The following CCDC57 variants were observed in gnomAD, a reference collection of about 807,000 sequenced individuals.
CCDC57 encodes the protein coiled-coil domain containing 57, also known as coiled-coil domain-containing protein 57.
Under a neutral mutation model 118.9 loss-of-function variants are expected in CCDC57, and 118 were observed. The ratio of observed to expected loss-of-function variants is 0.99; its 90% CI spans 0.86 to 1.16. The LOEUF is 1.16. Ranked by LOEUF, CCDC57 falls within the 50% of genes most tolerant of loss-of-function variation. The pLI is 0.00. For missense variants in CCDC57, 1,300 were observed against 1,320.7 expected, an observed-to-expected ratio of 0.98 and a Z score of 0.24; for synonymous variants, 527 against 532.9, an observed-to-expected ratio of 0.99 and a Z score of 0.15.
At chr17:82,108,385 C>T (rs139113773) in intron 19 of CCDC57, among the ~76,000 whole-genome samples, 7 of 152,296 alleles carry the variant, frequency 4.6e-5, no homozygotes, top group Middle Eastern at 3.4e-3. Flanking sequence ...GAAAGAGGTT[C>T]GGCCCTGGTC....
intron 19 of CCDC57, among the ~76,000 whole-genome samples, chr17:82,125,378 A>AC (rs1555682933): frequency 1.4e-5 from 2 of 146,014 alleles, no homozygotes; most frequent in African/African-American, 5.0e-5. Context: ...TCTCTACTAA[A>AC]TTTTTTTTTT....
intron 13 of CCDC57, 145 bp from the exon 13 acceptor site, chr17:82,163,502 G>A (rs1345435403): frequency 8.4e-6 from 7 of 835,250 alleles, no homozygotes; most frequent in Non-Finnish European, 1.1e-5. Flanking sequence ...TTCTTCATTG[G>A]AGTCAGCAGA....
At chr17:82,142,256 T>C (rs141547733) in intron 16 of CCDC57, among the ~76,000 whole-genome samples, 1 of 152,274 alleles carries the variant, frequency 6.6e-6, no homozygotes, top group Non-Finnish European at 1.5e-5. Flanking sequence ...TGAACCAGGA[T>C]GAGCCATAGC....
intron 19 of CCDC57, among the ~76,000 whole-genome samples, chr17:82,103,451 G>A (rs62079992): frequency 0.029 from 4,386 of 152,252 alleles, 102 homozygotes; most frequent in Non-Finnish European, 0.043. Flanking sequence ...TCCTGGTCCC[G>A]GCCAACGCCC....
chr17:82,183,083 C>G (rs2046407756), intron 9 of CCDC57, among the ~76,000 whole-genome samples: 1 of 152,170 alleles, frequency 6.6e-6, no homozygotes, highest in Non-Finnish European at 1.5e-5. Flanking sequence ...TCAGGGTCCT[C>G]CCTTGACACA....
At chr17:82,137,043 T>G (rs1356038621) in intron 16 of CCDC57, among the ~76,000 whole-genome samples, 1 of 112,702 alleles carries the variant, frequency 8.9e-6, no homozygotes, top group Non-Finnish European at 1.8e-5. Flanking sequence ...AGACAGAGTC[T>G]TGCTCTGTCA....
intron 1 of CCDC57, among the ~76,000 whole-genome samples, chr17:82,210,696 A>G (rs1218398110): frequency 6.9e-6 from 1 of 144,112 alleles, no homozygotes; most frequent in Non-Finnish European, 1.5e-5. Flanking sequence ...AAATAAAATT[A>G]ATTAAAAAAA....
chr17:82,137,120 C>A (rs930868454), intron 16 of CCDC57, among the ~76,000 whole-genome samples: 4 of 149,114 alleles, frequency 2.7e-5, no homozygotes, highest in African/African-American at 9.9e-5. Context: ...CAGGTTCAAG[C>A]AATTCTCCCG....
At chr17:82,175,268 G>A (rs2045321390) in intron 11 of CCDC57, among the ~76,000 whole-genome samples, 1 of 152,256 alleles carries the variant, frequency 6.6e-6, no homozygotes. Context: ...GGGATACCGA[G>A]TGCCCAGAGG....
In CCDC57 at chr17:82,203,946, C is replaced by T. The variant is rs114899454; in HGVS notation, c.-8-1994G>A. Among the ~76,000 whole-genome samples the T allele has an allele frequency of 2.5e-3, 388 of 152,284 alleles. 1 individual carries two copies. Among genetic ancestry groups the T allele is most frequent in the African/African-American group, 9.0e-3 (372 of 41,558 alleles). ...ACAAAGTCCCAACTCCCAGAGGGAG[C>T]GGGTACAAGGGCACAGCCAGGCTGA... On this transcript the variant is annotated intron_variant, in intron 2 of 19. Coordinates refer to ENST00000665763, the Ensembl canonical transcript of CCDC57.
At chr17:82,206,869 G>C (rs1291990085) in intron 2 of CCDC57, among the ~76,000 whole-genome samples, 1 of 152,108 alleles carries the variant, frequency 6.6e-6, no homozygotes, top group Non-Finnish European at 1.5e-5. Context: ...CAATTCCATC[G>C]TGCTTCTAAC....
At chr17:82,142,109 C>T (rs1442071633) in intron 16 of CCDC57, among the ~76,000 whole-genome samples, 1 of 152,164 alleles carries the variant, frequency 6.6e-6, no homozygotes, top group East Asian at 1.9e-4. Context: ...GTTTAATGAA[C>T]AGAATACAAT....
At chr17:82,105,807 G>A (rs908285844) in intron 19 of CCDC57, among the ~76,000 whole-genome samples, 9 of 152,218 alleles carry the variant, frequency 5.9e-5, no homozygotes, top group African/African-American at 2.2e-4. Context: ...ACTGGCACAT[G>A]GAGCCTGGAG....
At chr17:82,165,134 CA>C (rs1433660242) in intron 13 of CCDC57, among the ~76,000 whole-genome samples, 2 of 152,164 alleles carry the variant, frequency 1.3e-5, no homozygotes, top group African/African-American at 4.8e-5. Context: ...ATAGCCTGGT[CA>C]AAGAGCGAGA....
chr17:82,194,189 T>G lies in CCDC57; in HGVS notation c.619-50A>C, dbSNP rs772541117. 4 of 1,579,698 alleles carry G rather than the reference T, an allele frequency of 2.5e-6. No individual in the cohort carries two copies. The African/African-American group carries it at 5.4e-5, about 21-fold the overall frequency. The stretch of plus-strand genomic sequence containing the variant: ...AAATGAGGTGATAATTAGAAGACAC[T>G]GAGGCATTAGGGGTACATACTGCTG... On this transcript the variant is annotated intron_variant, in intron 5 of 19. Transcript: ENST00000665763.
chr17:82,144,819 T>C (rs1413038956), intron 16 of CCDC57, among the ~76,000 whole-genome samples: 1 of 152,032 alleles, frequency 6.6e-6, no homozygotes, highest in African/African-American at 2.4e-5. Flanking sequence ...CAAAGCGAGA[T>C]CCCTAATTTG....
exon 20 of CCDC57, chr17:82,101,544 AT>A: frequency 1.4e-6 from 1 of 736,752 alleles, no homozygotes; most frequent in South Asian, 2.0e-5. Flanking sequence ...CCTCAGCAGC[AT>A]TTGGGAGCCT....
intron 16 of CCDC57, among the ~76,000 whole-genome samples, chr17:82,151,017 G>A (rs200660429): frequency 1.1e-4 from 8 of 71,654 alleles, no homozygotes; most frequent in Non-Finnish European, 1.6e-4. Context: ...CCAGAACCTG[G>A]CACACACCCA....
intron 9 of CCDC57, among the ~76,000 whole-genome samples, chr17:82,179,519 C>G (rs145883672): frequency 6.6e-6 from 1 of 152,042 alleles, no homozygotes; most frequent in Non-Finnish European, 1.5e-5. Context: ...CACAAAGGAA[C>G]GGAGCTATGA....
Sources: gnomAD v4.1 joint callset for allele counts (sites outside exome capture counted in the v4.1 genomes callset) on GRCh38, gnomAD v4.1.1 for gene constraint, MANE v1.5 for transcripts, NCBI Gene and HGNC (gene_info 2026-07-23, HGNC 2026-07-21) for gene names.